The following DTNBP1 variants were observed in gnomAD, a reference collection of about 807,000 sequenced individuals.
DTNBP1 encodes the protein dystrobrevin binding protein 1.
A neutral mutation model predicts 42.8 loss-of-function variants in DTNBP1; 35 were observed. The ratio of observed to expected loss-of-function variants is 0.82; its 90% CI spans 0.63 to 1.09. The LOEUF is 1.09. Among genes scored for constraint, DTNBP1 ranks in the 50% least tolerant of loss-of-function variants. The probability of loss-of-function intolerance (pLI) is 0.00; values close to 1 mark genes in which losing one functional copy is unlikely to be tolerated. For synonymous variants in DTNBP1, 171 were observed against 162.2 expected (o/e 1.05, Z -0.41); for missense variants, 457 against 424.2 (o/e 1.08, Z -0.68).
rs369125577 is a variant in DTNBP1, at chr6:15,565,355, CAT to C, written c.511+27702_511+27703del. Among the ~76,000 whole-genome samples the C allele has an allele frequency of 5.9e-5, 9 of 152,332 alleles. 1 individual carries two copies. Among genetic ancestry groups the C allele is most frequent in the African/African-American group, 2.2e-4 (9 of 41,572 alleles). The stretch of plus-strand genomic sequence containing the variant: ...AGGAATCTACGCAAGAGGATGAAAA[CAT>C]GTGCACACAAAGGCTTGCACAGGAA... On this transcript the variant is annotated intron_variant, in intron 7 of 9. Transcript: ENST00000344537.
At chr6:15,524,211 T>G (rs1221340641) in intron 9 of DTNBP1, 3 of 1,517,444 alleles carry the variant, frequency 2.0e-6, no homozygotes, top group Non-Finnish European at 2.7e-6. Flanking sequence ...CAAACGCCAG[T>G]CCTTAACCAC....
chr6:15,648,130 T>C lies in DTNBP1; in HGVS notation c.161+3183A>G, dbSNP rs147695218. On this transcript the variant is annotated intron_variant, in intron 3 of 9. Transcript: ENST00000344537. The stretch of plus-strand genomic sequence containing the variant: ...ATGAAAATCTGTCAATGTAATAATA[T>C]GACAGATTGGTAGAACGAAAGGAAA... Among the ~76,000 whole-genome samples the C allele has an allele frequency of 1.6e-3, 241 of 152,074 alleles. 1 individual carries two copies. Among genetic ancestry groups the C allele is most frequent in the African/African-American group, 5.4e-3 (225 of 41,524 alleles).
chr6:15,615,713 A>G (rs1581396179), intron 5 of DTNBP1, among the ~76,000 whole-genome samples: 1 of 152,366 alleles, frequency 6.6e-6, no homozygotes, highest in East Asian at 1.9e-4. Context: ...CCCATATACC[A>G]CATGTGAATA....
intron 7 of DTNBP1, among the ~76,000 whole-genome samples, chr6:15,563,506 G>C (rs1467101370): frequency 3.3e-5 from 5 of 152,192 alleles, no homozygotes; most frequent in Non-Finnish European, 4.4e-5. Context: ...CATAACGTTA[G>C]ATACTGACCA....
At chr6:15,660,566 G>C (rs1464860547) in intron 1 of DTNBP1, 6 of 1,287,950 alleles carry the variant, frequency 4.7e-6, no homozygotes, top group Non-Finnish European at 1.0e-6. Flanking sequence ...AGCCCTCTCA[G>C]GATGTCTAGC....
At chr6:15,622,822 C>T (rs1487930721) in intron 5 of DTNBP1, among the ~76,000 whole-genome samples, 1 of 152,118 alleles carries the variant, frequency 6.6e-6, no homozygotes, top group African/African-American at 2.4e-5. Context: ...TTTCTTTGTG[C>T]CATTTGTTTC....
chr6:15,563,731 T>G (rs1581327753), intron 7 of DTNBP1, among the ~76,000 whole-genome samples: 1 of 152,276 alleles, frequency 6.6e-6, no homozygotes, highest in South Asian at 2.1e-4. Context: ...TAATCAATGA[T>G]CCCTACACTC....
At chr6:15,639,138 A>G (rs1170274181) in intron 3 of DTNBP1, among the ~76,000 whole-genome samples, 2 of 152,198 alleles carry the variant, frequency 1.3e-5, no homozygotes, top group African/African-American at 4.8e-5. Context: ...AAAAAAGGAC[A>G]CTGGTGGAAT....
At chr6:15,562,113 A>G (rs1774870364) in intron 7 of DTNBP1, among the ~76,000 whole-genome samples, 1 of 152,202 alleles carries the variant, frequency 6.6e-6, no homozygotes, top group Admixed American at 6.5e-5. Context: ...TGACCATAAA[A>G]ACAGCCAACC....
At chr6:15,581,050 C>A (rs138091755) in intron 7 of DTNBP1, among the ~76,000 whole-genome samples, 2 of 152,128 alleles carry the variant, frequency 1.3e-5, no homozygotes, top group African/African-American at 4.8e-5. Context: ...CAACACACCA[C>A]GTAAACACCT....
intron 4 of DTNBP1, among the ~76,000 whole-genome samples, chr6:15,634,702 T>C (rs1032787588): frequency 3.3e-5 from 5 of 152,166 alleles, no homozygotes; most frequent in Non-Finnish European, 5.9e-5. Flanking sequence ...TCAATATCAA[T>C]ACATTTCCCC....
At chr6:15,598,892 T>C (rs1479788881) in intron 6 of DTNBP1, among the ~76,000 whole-genome samples, 3 of 152,230 alleles carry the variant, frequency 2.0e-5, no homozygotes, top group African/African-American at 7.2e-5. Flanking sequence ...TATATCCTTA[T>C]TTATTATGCT....
At chr6:15,627,598 A>T in intron 4 of DTNBP1, 123 bp from the exon 5 acceptor site, 5 of 1,372,458 alleles carry the variant, frequency 3.6e-6, no homozygotes, top group Non-Finnish European at 4.9e-6. Flanking sequence ...ATTACGGTAC[A>T]TTCTAAAAGA....
chr6:15,569,580 G>T (rs1775255040), intron 7 of DTNBP1, among the ~76,000 whole-genome samples: 2 of 152,006 alleles, frequency 1.3e-5, no homozygotes, highest in Non-Finnish European at 2.9e-5. Context: ...CTTCTCCACG[G>T]AAAGCCTTGG....
intron 6 of DTNBP1, among the ~76,000 whole-genome samples, chr6:15,595,786 CAGA>C (rs1776493199): frequency 6.6e-6 from 1 of 152,206 alleles, no homozygotes; most frequent in Non-Finnish European, 1.5e-5. Context: ...ATTTAGGAAA[CAGA>C]CTTCAGAACA....
rs114477558 is a variant in DTNBP1 at position 15,615,833 on chromosome 6, G to A, written c.356-434C>T. Among the ~76,000 whole-genome samples, 1,009 of 152,212 alleles carry A rather than the reference G, an allele frequency of 6.6e-3. 12 individuals carry two copies. Among genetic ancestry groups the A allele is most frequent in the African/African-American group, 0.023 (944 of 41,532 alleles). ...CTTAATATCTGTGTTTCTAAATTACGTTAGCATTTGTTTTGCCTCTGGCAC... is the reference window on the plus strand; with the variant it reads ...CTTAATATCTGTGTTTCTAAATTACATTAGCATTTGTTTTGCCTCTGGCAC... On this transcript the variant is annotated intron_variant, in intron 5 of 9. Coordinates refer to ENST00000344537, the MANE Select transcript of DTNBP1 (RefSeq NM_032122.5).
intron 5 of DTNBP1, among the ~76,000 whole-genome samples, chr6:15,623,533 C>T (rs1759162646): frequency 6.6e-6 from 1 of 152,110 alleles, no homozygotes. Flanking sequence ...GCCTGAACAA[C>T]AGAGTGAGAC....
In DTNBP1 at chr6:15,615,313, T is replaced by G. The variant is rs1758650471; in HGVS notation, c.442A>C (p.Lys148Gln). 1 of 1,614,046 alleles carries G rather than the reference T, an allele frequency of 6.2e-7. No individual in the cohort carries two copies. The highest frequency in any genetic ancestry group is 1.3e-5 in the African/African-American group (1 of 74,916). The part of the protein sequence containing the change: ...LCGQCELERC[K>Q]HMQSQQLENY... ...TCCAGTTGCTGGGACTGCATATGTT[T>G]GCATCTTTCTAATTCACACTGCCCA... Residue 148 changes from lysine (K) to glutamine (Q), a missense_variant, in exon 6 of 10, where the codon AAA becomes CAA. Transcript: ENST00000344537.
intron 6 of DTNBP1, among the ~76,000 whole-genome samples, chr6:15,599,675 T>C (rs1776649717): frequency 6.6e-6 from 1 of 152,032 alleles, no homozygotes; most frequent in Non-Finnish European, 1.5e-5. Context: ...TGAGGTAAAA[T>C]CCCCAACATA....
Sources: gnomAD v4.1 joint callset for allele counts (sites outside exome capture counted in the v4.1 genomes callset) on GRCh38, gnomAD v4.1.1 for gene constraint, MANE v1.5 for transcripts, NCBI Gene and HGNC (gene_info 2026-07-23, HGNC 2026-07-21) for gene names.